The following FAT3 variants were observed in gnomAD, a reference collection of about 807,000 sequenced individuals.
The protein encoded by FAT3 is protocadherin Fat 3.
In FAT3, 95 loss-of-function variants were observed where a neutral mutation model predicts 310.2. That is an observed-to-expected ratio of 0.31 (90% CI 0.26 to 0.36). The LOEUF is 0.36. Among genes scored for constraint, FAT3 ranks in the 10% least tolerant of loss-of-function variants. The pLI is 1.00. For missense variants in FAT3, 5,408 were observed against 5,715.6 expected, an observed-to-expected ratio of 0.95 and a Z score of 1.74; for synonymous variants, 2,314 against 2,192.9, an observed-to-expected ratio of 1.06 and a Z score of -1.54.
intron 3 of FAT3, among the ~76,000 whole-genome samples, chr11:92,679,545 T>G (rs1943404402): frequency 6.6e-6 from 1 of 151,904 alleles, no homozygotes; most frequent in South Asian, 2.1e-4. Context: ...ACTTCTTTGG[T>G]GATTAATAAT....
At chr11:92,275,956 T>TTATGTGTGTGATACTTATAAAA (rs1946256153) in intron 1 of FAT3, among the ~76,000 whole-genome samples, 1 of 150,872 alleles carries the variant, frequency 6.6e-6, no homozygotes, top group African/African-American at 2.4e-5. Context: ...TTGATCACGT[T>TTATGTGTGTGATACTTATAAAA]TATGTGTGTG....
intron 2 of FAT3, among the ~76,000 whole-genome samples, chr11:92,423,824 T>C (rs1950577218): frequency 6.6e-6 from 1 of 152,160 alleles, no homozygotes; most frequent in Non-Finnish European, 1.5e-5. Flanking sequence ...CCTCAGTTGT[T>C]ACTCTTAAGA....
intron 4 of FAT3, among the ~76,000 whole-genome samples, chr11:92,717,989 C>A (rs1193243363): frequency 1.3e-5 from 2 of 152,160 alleles, no homozygotes; most frequent in Admixed American, 1.3e-4. Context: ...CTCTTTCTTT[C>A]AAGAGCTGGA....
At chr11:92,595,090 C>T (rs1462184843) in intron 3 of FAT3, among the ~76,000 whole-genome samples, 1 of 151,842 alleles carries the variant, frequency 6.6e-6, no homozygotes, top group Non-Finnish European at 1.5e-5. Flanking sequence ...AAACCATGTG[C>T]ATGCCTTATT....
At chr11:92,656,830 A>G (rs1247021067) in intron 3 of FAT3, among the ~76,000 whole-genome samples, 1 of 152,198 alleles carries the variant, frequency 6.6e-6, no homozygotes, top group East Asian at 1.9e-4. Flanking sequence ...AGATTGATGC[A>G]GACTCGACCC....
chr11:92,604,854 C>T (rs955463125), intron 3 of FAT3, among the ~76,000 whole-genome samples: 4 of 152,190 alleles, frequency 2.6e-5, no homozygotes, highest in African/African-American at 9.6e-5. Flanking sequence ...GGTCTGGGTT[C>T]ATCTGTGGGC....
chr11:92,734,158 C>A (rs1945271308), intron 4 of FAT3, among the ~76,000 whole-genome samples: 1 of 152,140 alleles, frequency 6.6e-6, no homozygotes, highest in African/African-American at 2.4e-5. Context: ...GGTAAGAATT[C>A]TTAATAACCA....
At chr11:92,563,649 T>G (rs1955313738) in intron 3 of FAT3, among the ~76,000 whole-genome samples, 1 of 152,100 alleles carries the variant, frequency 6.6e-6, no homozygotes, top group African/African-American at 2.4e-5. Flanking sequence ...TTAAAATTCA[T>G]ACCCTCAAAG....
chr11:92,375,364 C>T (rs1045065191), intron 2 of FAT3, among the ~76,000 whole-genome samples: 1 of 152,098 alleles, frequency 6.6e-6, no homozygotes, highest in Non-Finnish European at 1.5e-5. Flanking sequence ...TGGTCGTGAA[C>T]TCCTAGGCTC....
chr11:92,865,551 G>A (rs1348519963), intron 21 of FAT3, among the ~76,000 whole-genome samples: 1 of 152,132 alleles, frequency 6.6e-6, no homozygotes, highest in Non-Finnish European at 1.5e-5. Flanking sequence ...CCTCTTGCTG[G>A]GTCATAGACA....
intron 2 of FAT3, among the ~76,000 whole-genome samples, chr11:92,500,977 T>C (rs1294955506): frequency 6.6e-6 from 1 of 152,052 alleles, no homozygotes; most frequent in African/African-American, 2.4e-5. Context: ...TAAAGAAATT[T>C]ATCAGGTTAC....
intron 1 of FAT3, among the ~76,000 whole-genome samples, chr11:92,331,005 A>T (rs7947412): frequency 0.034 from 2,984 of 88,796 alleles, 45 homozygotes; most frequent in African/African-American, 0.24. Flanking sequence ...TGTGTGTGTG[A>T]GAGAGAGAGA....
intron 4 of FAT3, among the ~76,000 whole-genome samples, chr11:92,727,288 T>C (rs1945028653): frequency 6.6e-6 from 1 of 152,164 alleles, no homozygotes; most frequent in South Asian, 2.1e-4. Context: ...TTTAGAAATA[T>C]ATCAAGTGCC....
chr11:92,324,434 G>C (rs2134507828), intron 1 of FAT3, among the ~76,000 whole-genome samples: 1 of 152,278 alleles, frequency 6.6e-6, no homozygotes, highest in Non-Finnish European at 1.5e-5. Flanking sequence ...ATATTGCCAT[G>C]TGTCAGGGAA....
chr11:92,333,582 C>T (rs1947975227), intron 1 of FAT3, among the ~76,000 whole-genome samples: 1 of 152,176 alleles, frequency 6.6e-6, no homozygotes, highest in African/African-American at 2.4e-5. Context: ...GAATTTGAAG[C>T]TGCAAGTCCT....
chr11:92,326,647 G>C (rs1320531072), intron 1 of FAT3, among the ~76,000 whole-genome samples: 1 of 152,174 alleles, frequency 6.6e-6, no homozygotes, highest in African/African-American at 2.4e-5. Context: ...CTCCACCAAA[G>C]GGCATCCAAA....
intron 1 of FAT3, among the ~76,000 whole-genome samples, chr11:92,283,285 G>A (rs999580413): frequency 1.3e-5 from 2 of 152,160 alleles, no homozygotes; most frequent in Non-Finnish European, 2.9e-5. Context: ...GAGTGAAGAG[G>A]CATTCAGGTT....
At chr11:92,827,993 AT>A (rs995249981) in intron 13 of FAT3, among the ~76,000 whole-genome samples, 1 of 152,144 alleles carries the variant, frequency 6.6e-6, no homozygotes, top group African/African-American at 2.4e-5. Context: ...TTAGGCTCAA[AT>A]TGGAGAAGAG....
intron 22 of FAT3, among the ~76,000 whole-genome samples, chr11:92,874,900 A>T (rs1428081347): frequency 2.0e-5 from 3 of 152,166 alleles, no homozygotes; most frequent in African/African-American, 7.2e-5. Flanking sequence ...TGAGATGTTA[A>T]TGAGACCTCT....
Sources: allele counts gnomAD v4.1 joint callset (sites outside exome capture counted in the v4.1 genomes callset), GRCh38; gene constraint gnomAD v4.1.1; transcripts MANE v1.5; gene names NCBI Gene and HGNC (gene_info 2026-07-23, HGNC 2026-07-21).